MYO5C: variants seen among roughly 807,000 people sequenced by gnomAD.
The protein encoded by MYO5C is unconventional myosin-Vc.
MYO5C carries 194 observed loss-of-function variants against 235.7 expected under a neutral mutation model. The observed-to-expected ratio is 0.82, with a 90% CI of 0.73 to 0.93. The LOEUF is 0.93. Among genes scored for constraint, MYO5C ranks in the 40% least tolerant of loss-of-function variants. The pLI, the probability that MYO5C is intolerant of heterozygous loss-of-function variation, is 0.00. For synonymous variants in MYO5C, 707 were observed against 754.8 expected, an observed-to-expected ratio of 0.94 and a Z score of 1.04; for missense variants, 2,038 against 2,127.2, an observed-to-expected ratio of 0.96 and a Z score of 0.82.
chr15:52,275,704 T>A lies in MYO5C; in HGVS notation c.464A>T (p.Gln155Leu), dbSNP rs753142006. The A allele has an allele frequency of 1.9e-6, 3 of 1,614,174 alleles. No homozygotes were observed. Among genetic ancestry groups the A allele is most frequent in the Non-Finnish European group, 2.5e-6 (3 of 1,179,984 alleles). Residue 155 changes from glutamine (Q) to leucine (L), a missense_variant, in exon 5 of 41, where the codon CAG becomes CTG. Gln to Leu is a moderately radical substitution (Grantham distance 113, BLOSUM62 -2). Transcript: ENST00000261839. ...YKQMARNNRN[Q>L]SIIVSGESGA... is the part of the protein sequence containing the mutation. The stretch of plus-strand genomic sequence containing the variant: ...TGACTCCCCACTTACAATTATGGAC[T>A]GGTTTCTGTTGTTTCTAAAGCAAAT...
chr15:52,266,557 C>T (rs2036815629), intron 8 of MYO5C, among the ~76,000 whole-genome samples: 1 of 152,170 alleles, frequency 6.6e-6, no homozygotes, highest in Admixed American at 6.5e-5. Context: ...TTGGTATTTT[C>T]CACGCATCAG....
intron 35 of MYO5C, among the ~76,000 whole-genome samples, chr15:52,211,189 C>T (rs2035434614): frequency 6.6e-6 from 1 of 152,138 alleles, no homozygotes; most frequent in Non-Finnish European, 1.5e-5. Flanking sequence ...CCGCTATCAG[C>T]AAAGAAAAAT....
At chr15:52,265,003 T>A (rs1179652049) in intron 8 of MYO5C, among the ~76,000 whole-genome samples, 1 of 152,148 alleles carries the variant, frequency 6.6e-6, no homozygotes, top group Non-Finnish European at 1.5e-5. Context: ...AGTGAACAGT[T>A]CTGCTGCTGC....
chr15:52,216,422 C>T (rs1459169349), intron 32 of MYO5C, among the ~76,000 whole-genome samples: 1 of 151,988 alleles, frequency 6.6e-6, no homozygotes, highest in African/African-American at 2.4e-5. Flanking sequence ...ACTACGTTGC[C>T]CTGGCTGGTT....
chr15:52,243,217 T>G (rs7165256), intron 19 of MYO5C: 145,485 of 152,454 alleles, frequency 0.95, 69,619 homozygotes, highest in Non-Finnish European at 0.99. Flanking sequence ...CAGGGCAGTG[T>G]CTCAATCAGG....
intron 8 of MYO5C, 115 bp from the exon 9 acceptor site, chr15:52,264,411 G>T (rs953101236): frequency 1.2e-6 from 1 of 812,254 alleles, no homozygotes; most frequent in Admixed American, 2.5e-5. Context: ...CTCTGGGACA[G>T]GAACGTGAAG....
In MYO5C at chr15:52,232,677, C is replaced by T. The variant is rs1177913515; in HGVS notation, c.2971G>A (p.Asp991Asn). ...TCAAAGAGCTGCTTGGTGAGGTTGT[C>T]CATTTTTTCTGTAAAAAGAGAATGC... ...EKTEELKEKM[D>N]NLTKQLFDDV... Residue 991 changes from aspartate to asparagine, a missense_variant, in exon 24 of 41, where the codon GAC (aspartate) becomes AAC (asparagine). Coordinates refer to ENST00000261839, the MANE Select transcript of MYO5C (RefSeq NM_018728.4). 2 of 1,613,550 alleles carry T rather than the reference C, an allele frequency of 1.2e-6. No homozygotes were observed. Among genetic ancestry groups the T allele is most frequent in the South Asian group, 2.2e-5 (2 of 91,032 alleles).
chr15:52,201,564 G>A (rs2035187643), intron 38 of MYO5C, among the ~76,000 whole-genome samples: 1 of 152,108 alleles, frequency 6.6e-6, no homozygotes, highest in Admixed American at 6.5e-5. Flanking sequence ...ATATCAAAAT[G>A]AGACTTGGAA....
chr15:52,194,625 G>A (rs1322379894), intron 40 of MYO5C, among the ~76,000 whole-genome samples: 2 of 151,958 alleles, frequency 1.3e-5, no homozygotes, highest in Non-Finnish European at 2.9e-5. Flanking sequence ...TTAAACATAA[G>A]TTTCCAAAAC....
At chr15:52,266,146 A>T (rs777087625) in intron 8 of MYO5C, among the ~76,000 whole-genome samples, 10 of 152,200 alleles carry the variant, frequency 6.6e-5, no homozygotes, top group Non-Finnish European at 1.3e-4. Flanking sequence ...AGAAACACAA[A>T]AGGGAGATAA....
intron 13 of MYO5C, 51 bp from the exon 14 acceptor site, chr15:52,248,834 C>T: frequency 8.2e-7 from 1 of 1,219,502 alleles, no homozygotes; most frequent in Non-Finnish European, 1.2e-6. Context: ...AGAATATAGC[C>T]TCTAAGCACA....
intron 32 of MYO5C, among the ~76,000 whole-genome samples, chr15:52,217,041 TGA>T (rs1225132851): frequency 3.9e-5 from 6 of 152,164 alleles, no homozygotes; most frequent in Non-Finnish European, 8.8e-5. Context: ...CCTCCATAAT[TGA>T]GAGAACACAT....
intron 4 of MYO5C, chr15:52,277,262 C>T (rs955990944): frequency 1.3e-5 from 7 of 524,008 alleles, no homozygotes; most frequent in Non-Finnish European, 2.3e-5. Context: ...GGCAGTTACA[C>T]AGACAGACCT....
intron 11 of MYO5C, 127 bp downstream of exon 11, chr15:52,256,509 GCTC>G: frequency 1.6e-6 from 1 of 630,986 alleles, no homozygotes; most frequent in South Asian, 2.0e-5. Context: ...CCAGCGTGAG[GCTC>G]CTTGCATAAA....
chr15:52,193,874 A>G lies in MYO5C; in HGVS notation c.*28T>C, dbSNP rs2034987870. 6.3e-7 allele frequency: 1 copy of G among 1,593,792 alleles called. No homozygotes were observed. The highest frequency in any genetic ancestry group is 1.4e-5 in the African/African-American group (1 of 73,612). On this transcript the variant is annotated 3_prime_UTR_variant, in exon 41 of 41. Coordinates refer to ENST00000261839, the MANE Select transcript of MYO5C (RefSeq NM_018728.4). The stretch of plus-strand genomic sequence containing the variant: ...TATTGAACCTTCACTTAGCTTTTGA[A>G]GAAAAAGTGCATTGACTTTTTCTCC...
chr15:52,248,599 C>T (rs2036404007), intron 14 of MYO5C, 101 bp downstream of exon 14: 1 of 852,088 alleles, frequency 1.2e-6, no homozygotes, highest in Non-Finnish European at 1.9e-6. Context: ...CACACACACA[C>T]ACACACACTC....
chr15:52,288,914 C>T (rs528080776), intron 1 of MYO5C, among the ~76,000 whole-genome samples: 2 of 152,206 alleles, frequency 1.3e-5, no homozygotes, highest in East Asian at 3.8e-4. Flanking sequence ...CAGCCACCCC[C>T]CCAAGGCACA....
chr15:52,286,067 C>A (rs182341514), intron 1 of MYO5C, among the ~76,000 whole-genome samples: 1 of 151,286 alleles, frequency 6.6e-6, no homozygotes, highest in East Asian at 1.9e-4. Context: ...ATGTGAGGAG[C>A]GTCTCTGCCC....
rs779062452 is a variant in MYO5C at position 52,224,970 on chromosome 15, T to C, written c.3377A>G (p.Glu1126Gly). 6.2e-7 allele frequency: 1 copy of C among 1,614,082 alleles called. No homozygotes were observed. The highest frequency in any genetic ancestry group is 8.5e-7 in the Non-Finnish European group (1 of 1,179,978). The change falls in exon 28 of 41, where the codon GAA (glutamate) becomes GGA (glycine). Residue 1126 changes from glutamate to glycine, a missense_variant. Coordinates refer to ENST00000261839, the MANE Select transcript of MYO5C (RefSeq NM_018728.4). ...IEDVRSRLSV[E>G]DLEHLNEDGE... The stretch of plus-strand genomic sequence containing the variant: ...ATCCTCATTTAAATGTTCCAGATCT[T>C]CCACAGAGAGCCTGCAAAATAAGGA...
Sources: allele counts gnomAD v4.1 joint callset (sites outside exome capture counted in the v4.1 genomes callset), GRCh38; gene constraint gnomAD v4.1.1; transcripts MANE v1.5; gene names NCBI Gene and HGNC (gene_info 2026-07-23, HGNC 2026-07-21).